The following RTKN2 variants were observed in gnomAD, a reference collection of about 807,000 sequenced individuals.
The protein encoded by RTKN2 is rhotekin 2, also known as rhotekin-2.
In RTKN2, 69 loss-of-function variants were observed where a neutral mutation model predicts 71.5. The ratio of observed to expected loss-of-function variants is 0.96; its 90% confidence interval spans 0.79 to 1.18. The LOEUF is 1.18. RTKN2 is among the 50% of genes most tolerant of loss of function. The probability of loss-of-function intolerance (pLI) is 0.00; values close to 1 mark genes in which losing one functional copy is unlikely to be tolerated. For synonymous variants in RTKN2, 236 were observed against 236.5 expected (o/e 1.00, Z 0.02); for missense variants, 724 against 719.7 (o/e 1.01, Z -0.07).
intron 7 of RTKN2, among the ~76,000 whole-genome samples, chr10:62,220,797 A>T (rs1488339789): frequency 1.3e-5 from 2 of 152,118 alleles, no homozygotes; most frequent in African/African-American, 4.8e-5. Flanking sequence ...AAATAAATAA[A>T]AAGATTACAC....
chr10:62,208,708 C>T (rs1277234920), intron 9 of RTKN2, among the ~76,000 whole-genome samples: 1 of 152,022 alleles, frequency 6.6e-6, no homozygotes, highest in Non-Finnish European at 1.5e-5. Flanking sequence ...AAACCCCAAG[C>T]ACTTTTCCTG....
At chr10:62,191,142 G>A (rs748525214), downstream of RTKN2, among the ~76,000 whole-genome samples, 10 of 151,768 alleles carry the variant, frequency 6.6e-5, no homozygotes, top group South Asian at 2.1e-4. Context: ...TTCTTAACTC[G>A]TTAGTTTTTT....
chr10:62,204,505 G>A (rs951873092), intron 10 of RTKN2, among the ~76,000 whole-genome samples: 2 of 152,136 alleles, frequency 1.3e-5, no homozygotes, highest in African/African-American at 4.8e-5. Flanking sequence ...CATTATCCTG[G>A]AAAAGTTTTT....
intron 2 of RTKN2, among the ~76,000 whole-genome samples, chr10:62,247,189 A>G (rs1221316972): frequency 1.3e-5 from 2 of 151,988 alleles, no homozygotes; most frequent in Non-Finnish European, 2.9e-5. Flanking sequence ...AGAGGATGAC[A>G]GCAACACACT....
chr10:62,222,509 T>C (rs1841932137), intron 7 of RTKN2, among the ~76,000 whole-genome samples: 1 of 152,162 alleles, frequency 6.6e-6, no homozygotes, highest in East Asian at 1.9e-4. Context: ...TGGTATAACA[T>C]TATCAATCTT....
intron 2 of RTKN2, among the ~76,000 whole-genome samples, chr10:62,254,798 TGA>T (rs1842644685): frequency 6.6e-6 from 1 of 151,796 alleles, no homozygotes; most frequent in South Asian, 2.1e-4. Context: ...ATAAGCAAGC[TGA>T]GAGACAAAAA....
rs759252078 is a variant in RTKN2, at chr10:62,198,389, A to AT, written c.1348dup (p.Ile450AsnfsTer2). The AT allele has an allele frequency of 4.2e-4, 640 of 1,526,156 alleles. No homozygotes were observed. Among genetic ancestry groups the AT allele is most frequent in the Non-Finnish European group, 4.4e-4 (498 of 1,119,942 alleles). 94.5% of individuals were successfully genotyped at this position (1,526,156 alleles called of 1,614,324 possible). A position where few individuals can be genotyped will look rare whatever the true frequency, so the allele number is the denominator to read the frequency against. ...AAGGAACTGCCCATTTGTCTCTTCA[A>AT]TTTTTTTTTGTATTATATCCGTTAA... On this transcript the variant is annotated frameshift_variant, in exon 12 of 12. Transcript: ENST00000373789. LOFTEE classifies it high-confidence loss of function.
In RTKN2 at chr10:62,198,489, G is replaced by GT. The variant is rs1564498056; in HGVS notation, c.1295-47dup. 6 of 1,284,104 alleles carry GT rather than the reference G, an allele frequency of 4.7e-6. No individual in the cohort carries two copies. The East Asian group carries it at 1.2e-4, about 26-fold the overall frequency. 79.5% of individuals were successfully genotyped at this position (1,284,104 alleles called of 1,614,324 possible). ...AAAAACATGAAAAAATTCAAAAGCAGTATGTACTTTATCTAAATAAGTTCT... is the reference window on the plus strand; with the variant it reads ...AAAAACATGAAAAAATTCAAAAGCAGTTATGTACTTTATCTAAATAAGTTCT... On this transcript the variant is annotated intron_variant, in intron 11 of 11. Transcript: ENST00000373789.
In RTKN2 at chr10:62,223,218, A is replaced by T. The variant is rs780115265; in HGVS notation, c.781+20T>A. 3.6e-5 allele frequency: 49 copies of T among 1,375,156 alleles called. No individual in the cohort carries two copies. Among genetic ancestry groups the T allele is most frequent in the Non-Finnish European group, 4.7e-5 (46 of 969,240 alleles). The allele number at this position is 1,375,156 out of a possible 1,614,324, so 85.2% of individuals were successfully genotyped here. On this transcript the variant is annotated intron_variant, in intron 7 of 11. Coordinates refer to ENST00000373789, the MANE Select transcript of RTKN2 (RefSeq NM_145307.4). ...TATAGACAGAATATATGTAATAAGT[A>T]AAATATATACTGTACTTACCATTTC...
chr10:62,222,754 G>A (rs891043127), intron 7 of RTKN2, among the ~76,000 whole-genome samples: 1 of 152,064 alleles, frequency 6.6e-6, no homozygotes, highest in Non-Finnish European at 1.5e-5. Flanking sequence ...CCCTTCTTCA[G>A]TTTCCTGTAT....
At chr10:62,230,971 A>C (rs533859953) in intron 6 of RTKN2, among the ~76,000 whole-genome samples, 55 of 152,350 alleles carry the variant, frequency 3.6e-4, no homozygotes, top group Non-Finnish European at 6.9e-4. Flanking sequence ...AATTAATTAT[A>C]TATAATAGTT....
At chr10:62,237,027 G>T (rs558552469) in intron 5 of RTKN2, among the ~76,000 whole-genome samples, 1 of 151,882 alleles carries the variant, frequency 6.6e-6, no homozygotes, top group Non-Finnish European at 1.5e-5. Context: ...AGATATGTAG[G>T]ATGAATAAGT....
At position 62,194,974 on chromosome 10, in the gene RTKN2, G is replaced by A. The variant is rs1841293051; in HGVS notation, c.*2934C>T. ...AACAAAACTCAGCAAGAGTTGGCAC[G>A]CCTGATATTTTTGAAAGACTATTTA... is the stretch of plus-strand genomic sequence containing the variant. On this transcript the variant is annotated 3_prime_UTR_variant, in exon 12 of 12. Coordinates refer to ENST00000373789, the MANE Select transcript of RTKN2 (RefSeq NM_145307.4). 14 of 985,178 alleles carry A rather than the reference G, an allele frequency of 1.4e-5. No homozygotes were observed. Among genetic ancestry groups the A allele is most frequent in the African/African-American group, 1.7e-5 (1 of 57,222 alleles). 61.0% of individuals were successfully genotyped at this position (985,178 alleles called of 1,614,324 possible).
intron 9 of RTKN2, chr10:62,215,134 CTG>C: frequency 8.6e-7 from 1 of 1,161,284 alleles, no homozygotes; most frequent in Non-Finnish European, 1.2e-6. Flanking sequence ...TATTTTATGA[CTG>C]AATATTCTAT....
downstream of RTKN2, among the ~76,000 whole-genome samples, chr10:62,190,401 C>T (rs1841203686): frequency 1.3e-5 from 2 of 152,132 alleles, no homozygotes; most frequent in Admixed American, 6.5e-5. Flanking sequence ...AATTACTAAT[C>T]TGTAAAATGG....
Position 62,197,465 on chromosome 10 carries a change from G to T in RTKN2, c.*443C>A, listed in dbSNP as rs1003212230. The T allele has an allele frequency of 1.0e-6, 1 of 985,850 alleles. No individual in the cohort carries two copies. The highest frequency in any genetic ancestry group is 1.7e-5 in the African/African-American group (1 of 57,344). 61.1% of individuals were successfully genotyped at this position (985,850 alleles called of 1,614,324 possible). A position where few individuals can be genotyped will look rare whatever the true frequency, so the allele number is the denominator to read the frequency against. On this transcript the variant is annotated 3_prime_UTR_variant, in exon 12 of 12. Coordinates refer to ENST00000373789, the MANE Select transcript of RTKN2 (RefSeq NM_145307.4). ...AATGCTAAGAAAATTTTCTTGGGTG[G>T]ATTCTATAATTTGTGGTTTGAATAA... is the stretch of plus-strand genomic sequence containing the variant.
intron 7 of RTKN2, among the ~76,000 whole-genome samples, chr10:62,219,595 T>C (rs1402264112): frequency 2.6e-5 from 4 of 152,070 alleles, no homozygotes; most frequent in African/African-American, 7.2e-5. Flanking sequence ...TTAATACATT[T>C]TGGGGTACAG....
rs1864836 is a variant in RTKN2 at position 62,268,779 on chromosome 10, C to G, written c.-169G>C. ...GGCCGAAGCGCACGCGCAGTGGGCG[C>G]GCCTTGCGCTCTGCAGCTCCCGCCG... On this transcript the variant is annotated 5_prime_UTR_variant, in exon 1 of 12. Transcript: ENST00000373789. 0.58 allele frequency: 379,224 copies of G among 655,002 alleles called. 115,078 individuals are homozygous for G. The highest frequency in any genetic ancestry group is 0.9 in the East Asian group (29,739 of 33,216). 40.6% of individuals were successfully genotyped at this position (655,002 alleles called of 1,614,324 possible).
At chr10:62,209,687 C>T (rs1461077490) in intron 9 of RTKN2, among the ~76,000 whole-genome samples, 2 of 152,102 alleles carry the variant, frequency 1.3e-5, no homozygotes, top group African/African-American at 4.8e-5. Flanking sequence ...CATCATTTAG[C>T]TCTCACTTAT....
Sources: gnomAD v4.1 joint callset for allele counts (sites outside exome capture counted in the v4.1 genomes callset) on GRCh38, gnomAD v4.1.1 for gene constraint, MANE v1.5 for transcripts, NCBI Gene and HGNC (gene_info 2026-07-23, HGNC 2026-07-21) for gene names.